Variants in SLC6A3 observed in about 807,000 individuals in gnomAD.
The protein encoded by SLC6A3 is sodium-dependent dopamine transporter.
SLC6A3 carries 19 observed loss-of-function variants against 70.4 expected under a neutral mutation model. The observed-to-expected ratio is 0.27, with a 90% confidence interval of 0.19 to 0.40. The LOEUF is 0.40. Ranked by LOEUF, SLC6A3 falls within the 10% of genes least tolerant of loss-of-function variation. SLC6A3 has a pLI of 1.00. For synonymous variants in SLC6A3, 368 were observed against 356.6 expected, an observed-to-expected ratio of 1.03 and a Z score of -0.36; for missense variants, 613 against 838.5, an observed-to-expected ratio of 0.73 and a Z score of 3.32.
intron 9 of SLC6A3, among the ~76,000 whole-genome samples, chr5:1,410,357 T>G (rs2617577): frequency 6.6e-6 from 1 of 151,936 alleles, no homozygotes; most frequent in Non-Finnish European, 1.5e-5. Context: ...TCCAGACCCC[T>G]CTTCATGCTC....
chr5:1,409,242 C>A lies in SLC6A3; in HGVS notation c.1399-117G>T, dbSNP rs1397633402. The A allele has an allele frequency of 3.0e-5, 24 of 789,208 alleles. No homozygotes were observed. The East Asian group carries it at 6.1e-4, about 20-fold the overall frequency. The allele number at this position is 789,208 out of a possible 1,614,324, so 48.9% of individuals were successfully genotyped here. On this transcript the variant is annotated intron_variant, in intron 10 of 14. Coordinates refer to ENST00000270349, the MANE Select transcript of SLC6A3 (RefSeq NM_001044.5). ...CTCACTGCAAAACTCTGGTTTGAGT[C>A]CCTAAAATTCAACCCACATGCAGCT...
At position 1,409,840 on chromosome 5, in the gene SLC6A3, T is replaced by C; in HGVS notation, c.1279A>G (p.Met427Val). The change falls in exon 10 of 15, where the codon ATG (methionine) becomes GTG (valine). Residue 427 changes from methionine to valine, a missense_variant. Physicochemically the swap from Met to Val is conservative, Grantham distance 21. Transcript: ENST00000270349. ...TLGIDSAMGG[M>V]ESVITGLIDE... ...ATGAGCCCGGTGATCACTGACTCCA[T>C]ACCACCCATCTGCACACAGAGCACA... 1 of 1,613,280 alleles carries C rather than the reference T, an allele frequency of 6.2e-7. No homozygotes were observed. Among genetic ancestry groups the C allele is most frequent in the Non-Finnish European group, 8.5e-7 (1 of 1,180,008 alleles).
chr5:1,430,402 G>C (rs1215227576), intron 4 of SLC6A3, among the ~76,000 whole-genome samples: 1 of 152,196 alleles, frequency 6.6e-6, no homozygotes, highest in African/African-American at 2.4e-5. Flanking sequence ...TCACCTCCAA[G>C]GCCAGTCCCG....
In SLC6A3 at chr5:1,408,244, A is replaced by G. The variant is rs982460011; in HGVS notation, c.1498+782T>C. ...TTTTTAGTAAAGATGGGGTTTTACC[A>G]TGTTGGCCAGGATGGTCTTGATCTC... is the stretch of plus-strand genomic sequence containing the variant. On this transcript the variant is annotated intron_variant, in intron 11 of 14. Transcript: ENST00000270349. This position sits in a 1 kb window ranked among gnomAD's most constrained non-coding sequence, Gnocchi z 6.4. Among the ~76,000 whole-genome samples the G allele has an allele frequency of 2.3e-5, 3 of 132,546 alleles. No individual in the cohort carries two copies. The highest frequency in any genetic ancestry group is 4.8e-5 in the Non-Finnish European group (3 of 63,022). 87.0% of individuals were successfully genotyped at this position (132,546 alleles called of 152,430 possible). A position where few individuals can be genotyped will look rare whatever the true frequency, so the allele number is the denominator to read the frequency against.
chr5:1,435,156 A>G (rs1756799146), intron 3 of SLC6A3, among the ~76,000 whole-genome samples: 1 of 152,214 alleles, frequency 6.6e-6, no homozygotes, highest in South Asian at 2.1e-4. Context: ...GATCTGGTCC[A>G]TATTAAATAA....
Position 1,393,092 on chromosome 5 carries a change from C to G in SLC6A3, c.*1643G>C, listed in dbSNP as rs893555074. ...CAGAAGGCAATGGGGAAGCCATCCT[C>G]TGTGCTAACTGCAGCTGCCTGGCAG... is the stretch of plus-strand genomic sequence containing the variant. On this transcript the variant is annotated 3_prime_UTR_variant, in exon 15 of 15. Coordinates refer to ENST00000270349, the MANE Select transcript of SLC6A3 (RefSeq NM_001044.5). 1 of 152,260 alleles carries G rather than the reference C, an allele frequency of 6.6e-6. No individual in the cohort carries two copies. Among genetic ancestry groups the G allele is most frequent in the African/African-American group, 2.4e-5 (1 of 41,460 alleles). The allele number at this position is 152,260 out of a possible 1,614,324, so 9.4% of individuals were successfully genotyped here. A position where few individuals can be genotyped will look rare whatever the true frequency, so the allele number is the denominator to read the frequency against.
At chr5:1,441,917 C>T (rs758628857) in intron 2 of SLC6A3, among the ~76,000 whole-genome samples, 9 of 152,154 alleles carry the variant, frequency 5.9e-5, no homozygotes, top group African/African-American at 1.9e-4. Context: ...TGGGCCCTGC[C>T]GTCCTGTCCC....
intron 14 of SLC6A3, 47 bp downstream of exon 14, chr5:1,400,868 C>T: frequency 7.1e-7 from 1 of 1,408,538 alleles, no homozygotes; most frequent in Non-Finnish European, 9.9e-7. Context: ...AGCTTGGGAT[C>T]ATTCTGAATT....
chr5:1,407,247 C>A (rs577128715), intron 11 of SLC6A3, among the ~76,000 whole-genome samples: 1 of 152,164 alleles, frequency 6.6e-6, no homozygotes, highest in Non-Finnish European at 1.5e-5. Flanking sequence ...GCAAGTCTTG[C>A]GGTTGTCCCG....
Position 1,406,367 on chromosome 5 carries a change from T to G in SLC6A3, c.1499-79A>C. The G allele has an allele frequency of 4.0e-6, 5 of 1,252,424 alleles. No individual in the cohort carries two copies. Among genetic ancestry groups the G allele is most frequent in the Non-Finnish European group, 5.9e-6 (5 of 851,810 alleles). The allele number at this position is 1,252,424 out of a possible 1,614,324, so 77.6% of individuals were successfully genotyped here. A position where few individuals can be genotyped will look rare whatever the true frequency, so the allele number is the denominator to read the frequency against. On this transcript the variant is annotated intron_variant, in intron 11 of 14. Transcript: ENST00000270349. This position sits in a 1 kb window ranked among gnomAD's most constrained non-coding sequence, Gnocchi z 8.8. ...GCTGGACACGTGTGGGGGTCCTCGC[T>G]GACTCCCAAGGGCCCCACCTACCGG...
rs1755738035 is a variant in SLC6A3 at position 1,397,024 on chromosome 5, A to T, written c.1840-2266T>A. Among the ~76,000 whole-genome samples the T allele has an allele frequency of 1.3e-5, 2 of 152,192 alleles. No homozygotes were observed. The highest frequency in any genetic ancestry group is 2.9e-5 in the Non-Finnish European group (2 of 68,024). ...TGTTACGGTGACAAATTAATAATTT[A>T]AAAATGGCCACATGTGGATTAATGA... On this transcript the variant is annotated intron_variant, in intron 14 of 14. Coordinates refer to ENST00000270349, the MANE Select transcript of SLC6A3 (RefSeq NM_001044.5). This position sits in a 1 kb window ranked among gnomAD's most constrained non-coding sequence, Gnocchi z 4.7.
rs1755981059 is a variant in SLC6A3 at position 1,406,421 on chromosome 5, T to C, written c.1499-133A>G. The C allele has an allele frequency of 1.3e-6, 1 of 783,900 alleles. No individual in the cohort carries two copies. Among genetic ancestry groups the C allele is most frequent in the African/African-American group, 1.7e-5 (1 of 59,200 alleles). The allele number at this position is 783,900 out of a possible 1,614,324, so 48.6% of individuals were successfully genotyped here. On this transcript the variant is annotated intron_variant, in intron 11 of 14. Coordinates refer to ENST00000270349, the MANE Select transcript of SLC6A3 (RefSeq NM_001044.5). The surrounding 1 kb of genome is among the most constrained non-coding windows in gnomAD (Gnocchi z 8.8). ...CAGGCTTCGGCTGCACCCAGCCTCCTGCAGAGGAGGCCAGGCCACACCCCA... is the reference window on the plus strand; with the variant it reads ...CAGGCTTCGGCTGCACCCAGCCTCCCGCAGAGGAGGCCAGGCCACACCCCA...
chr5:1,414,655 C>T (rs1197687825), intron 8 of SLC6A3, 36 bp downstream of exon 8: 2 of 1,609,796 alleles, frequency 1.2e-6, no homozygotes, highest in African/African-American at 1.3e-5. Flanking sequence ...GCTGGTGCTA[C>T]ACGGAGCAGG....
Position 1,437,819 on chromosome 5 carries a change from C to T in SLC6A3, c.418+3540G>A, listed in dbSNP as rs1402023202. Among the ~76,000 whole-genome samples, 1 of 152,236 alleles carries T rather than the reference C, an allele frequency of 6.6e-6. No individual in the cohort carries two copies. Among genetic ancestry groups the T allele is most frequent in the East Asian group, 1.9e-4 (1 of 5,198 alleles). ...TTGCCACCTGCTCAGGGCTGGATGG[C>T]CTTTTAGCTCCACAATGATTGTTGT... is the stretch of plus-strand genomic sequence containing the variant. On this transcript the variant is annotated intron_variant, in intron 3 of 14. Transcript: ENST00000270349. The surrounding 1 kb of genome is among the most constrained non-coding windows in gnomAD (Gnocchi z 4.8).
At position 1,394,935 on chromosome 5, in the gene SLC6A3, C is replaced by G. The variant is rs1755678747; in HGVS notation, c.1840-177G>C. Among the ~76,000 whole-genome samples the G allele has an allele frequency of 6.6e-6, 1 of 152,178 alleles. No individual in the cohort carries two copies. The highest frequency in any genetic ancestry group is 2.1e-4 in the South Asian group (1 of 4,832). On this transcript the variant is annotated intron_variant, in intron 14 of 14. Transcript: ENST00000270349. This position sits in a 1 kb window ranked among gnomAD's most constrained non-coding sequence, Gnocchi z 4.7. Reference sequence around the variant, plus strand: ...TGGACCAACACACCCTTGACAGGTGCCGGGGATCCGATGCCTCACTCAAAC... The same window carrying G: ...TGGACCAACACACCCTTGACAGGTGGCGGGGATCCGATGCCTCACTCAAAC...
chr5:1,425,381 A>T (rs1756554364), intron 4 of SLC6A3, among the ~76,000 whole-genome samples: 1 of 152,246 alleles, frequency 6.6e-6, no homozygotes, highest in Non-Finnish European at 1.5e-5. Flanking sequence ...CTCTCTAAAC[A>T]AAGACGACAA....
intron 4 of SLC6A3, among the ~76,000 whole-genome samples, 183 bp from the exon 5 acceptor site, chr5:1,422,197 C>T (rs1255913781): frequency 6.6e-5 from 10 of 152,224 alleles, no homozygotes; most frequent in South Asian, 2.1e-4. Flanking sequence ...GTGTCAGGGC[C>T]GCCCTTGAAA....
chr5:1,409,601 G>A, intron 10 of SLC6A3, 120 bp downstream of exon 10: 1 of 1,194,172 alleles, frequency 8.4e-7, no homozygotes, highest in Non-Finnish European at 1.2e-6. Context: ...GGGTGGGTGG[G>A]TTCGCAGCTC....
chr5:1,401,326 G>C lies in SLC6A3; in HGVS notation c.1768-340C>G. 1.9e-6 allele frequency: 1 copy of C among 535,254 alleles called. No individual in the cohort carries two copies. Among genetic ancestry groups the C allele is most frequent in the Non-Finnish European group, 3.6e-6 (1 of 278,366 alleles). 33.2% of individuals were successfully genotyped at this position (535,254 alleles called of 1,614,324 possible). On this transcript the variant is annotated intron_variant, in intron 13 of 14. Transcript: ENST00000270349. This position sits in a 1 kb window ranked among gnomAD's most constrained non-coding sequence, Gnocchi z 6.1. Reference sequence around the variant, plus strand: ...TGAGTCTAAGCTACCACGTGTGCTGGGCTCTGAGTAAGAAAGTGCCCACAC... The same window carrying C: ...TGAGTCTAAGCTACCACGTGTGCTGCGCTCTGAGTAAGAAAGTGCCCACAC...
Sources: allele counts gnomAD v4.1 joint callset (sites outside exome capture counted in the v4.1 genomes callset), GRCh38; gene constraint gnomAD v4.1.1; non-coding constraint Gnocchi (gnomAD v3.1); transcripts MANE v1.5; gene names NCBI Gene and HGNC (gene_info 2026-07-23, HGNC 2026-07-21).